Variants in CPSF7 observed in about 807,000 individuals in gnomAD.
CPSF7 encodes cleavage and polyadenylation specificity factor subunit 7.
CPSF7 carries 1 observed loss-of-function variant against 44.3 expected under a neutral mutation model. The observed-to-expected ratio is 0.02, with a 90% CI of 0.01 to 0.11. The LOEUF is 0.11. CPSF7 is among the 10% of genes least tolerant of loss of function. The pLI is 1.00. For synonymous variants in CPSF7, 202 were observed against 222.0 expected (o/e 0.91, Z 0.80); for missense variants, 443 against 607.2 (o/e 0.73, Z 2.84).
chr11:61,420,724 T>C, intron 3 of CPSF7, 151 bp from the exon 4 acceptor site: 1 of 625,692 alleles, frequency 1.6e-6, no homozygotes, highest in Admixed American at 2.9e-5. Flanking sequence ...CTTTTCTTAT[T>C]GTCCTCACCC....
intron 5 of CPSF7, among the ~76,000 whole-genome samples, chr11:61,417,677 A>G (rs1240760159): frequency 6.6e-6 from 1 of 152,226 alleles, no homozygotes; most frequent in Non-Finnish European, 1.5e-5. Context: ...TCTCAAACAC[A>G]TGGCAACTGG....
Position 61,415,746 on chromosome 11 carries a change from G to C in CPSF7, c.977C>G (p.Ala326Gly). 1 of 1,614,082 alleles carries C rather than the reference G, an allele frequency of 6.2e-7. No homozygotes were observed. Among genetic ancestry groups the C allele is most frequent in the Non-Finnish European group, 8.5e-7 (1 of 1,179,966 alleles). The change falls in exon 7 of 10, where the codon GCC becomes GGC. Residue 326 changes from alanine to glycine, a missense_variant. Ala to Gly is a moderately conservative substitution (Grantham distance 60). Transcript: ENST00000439958. ...SGPPPSTVSE[A>G]EFEDIMKRNR... ...TCGCTTCATGATATCTTCAAATTCG[G>C]CTTCACTCACTGTAGAGGGTGGAGG...
At chr11:61,411,705 C>T in intron 8 of CPSF7, 64 bp downstream of exon 8, 5 of 1,456,652 alleles carry the variant, frequency 3.4e-6, no homozygotes, top group East Asian at 2.3e-5. Flanking sequence ...CATTTGTCCC[C>T]ACTCCCTATC....
chr11:61,411,527 A>G (rs982397408), intron 8 of CPSF7, among the ~76,000 whole-genome samples: 9 of 152,182 alleles, frequency 5.9e-5, no homozygotes, highest in African/African-American at 9.7e-5. Flanking sequence ...CCATGTTCTT[A>G]AAAATATCTG....
At chr11:61,422,948 C>T (rs1432180454) in intron 2 of CPSF7, among the ~76,000 whole-genome samples, 1 of 151,644 alleles carries the variant, frequency 6.6e-6, no homozygotes, top group Admixed American at 6.6e-5. Flanking sequence ...GCCTGGGCAA[C>T]ATGGTGAAAC....
At chr11:61,422,317 CTTT>C (rs768474632) in intron 2 of CPSF7, among the ~76,000 whole-genome samples, 1 of 144,404 alleles carries the variant, frequency 6.9e-6, no homozygotes, top group Non-Finnish European at 1.5e-5. Context: ...ATCTAGGAGA[CTTT>C]TTTTTTTTTT....
chr11:61,429,797 G>A lies in CPSF7; in HGVS notation c.-56+117C>T, dbSNP rs1185384873. On this transcript the variant is annotated intron_variant, in intron 1 of 9. Coordinates refer to ENST00000439958, the MANE Select transcript of CPSF7 (RefSeq NM_001142565.3). ...CTGCCTCCTCCCTCAAAAGGCCCGC[G>A]ACTCCCTCCGCCCGCAGACTCCGGC... The A allele has an allele frequency of 2.6e-6, 4 of 1,547,052 alleles. No homozygotes were observed. The African/African-American group carries it at 5.5e-5, about 21-fold the overall frequency.
rs564069367 is a variant in CPSF7 at position 61,420,244 on chromosome 11, C to A, written c.378-150G>T. The A allele has an allele frequency of 4.0e-5, 29 of 727,728 alleles. No homozygotes were observed. In the South Asian group the frequency reaches 4.8e-4, roughly 12 times the overall value. The allele number at this position is 727,728 out of a possible 1,614,324, so 45.1% of individuals were successfully genotyped here. Reference sequence around the variant, plus strand: ...TACAGCACTAACAACAAAGAGACAGCCTAAATCTTTATTTTTTTGGAATTA... The same window carrying A: ...TACAGCACTAACAACAAAGAGACAGACTAAATCTTTATTTTTTTGGAATTA... On this transcript the variant is annotated intron_variant, in intron 4 of 9. Coordinates refer to ENST00000439958, the MANE Select transcript of CPSF7 (RefSeq NM_001142565.3).
chr11:61,403,083 G>A lies in CPSF7; in HGVS notation c.*1627C>T, dbSNP rs1011567912. 1.3e-5 allele frequency: 2 copies of A among 152,394 alleles called. No individual in the cohort carries two copies. Among genetic ancestry groups the A allele is most frequent in the Admixed American group, 1.3e-4 (2 of 15,236 alleles). The allele number at this position is 152,394 out of a possible 1,614,324, so 9.4% of individuals were successfully genotyped here. On this transcript the variant is annotated 3_prime_UTR_variant, in exon 10 of 10. Coordinates refer to ENST00000439958, the MANE Select transcript of CPSF7 (RefSeq NM_001142565.3). The stretch of plus-strand genomic sequence containing the variant: ...CTGAAGTGGAGGTGGGGATGGGGTT[G>A]GGGGACAGGGGAAAAAAAGCTCCAA...
chr11:61,412,081 A>T (rs973739489), intron 7 of CPSF7, 144 bp from the exon 8 acceptor site: 4 of 628,934 alleles, frequency 6.4e-6, no homozygotes, highest in Admixed American at 5.5e-5. Context: ...AGATGTTGCA[A>T]GTGTAAAACT....
chr11:61,405,357 C>T (rs1257967512), intron 9 of CPSF7, among the ~76,000 whole-genome samples: 3 of 152,060 alleles, frequency 2.0e-5, no homozygotes, highest in Non-Finnish European at 2.9e-5. Context: ...TACTAAAACT[C>T]GAGATTTTAA....
At chr11:61,417,650 C>T (rs1054382629) in intron 5 of CPSF7, among the ~76,000 whole-genome samples, 2 of 152,222 alleles carry the variant, frequency 1.3e-5, no homozygotes, top group Non-Finnish European at 2.9e-5. Flanking sequence ...AGTGCCAGTG[C>T]TGTCTTGTTC....
At chr11:61,417,833 C>T (rs1323393815) in intron 5 of CPSF7, among the ~76,000 whole-genome samples, 1 of 152,210 alleles carries the variant, frequency 6.6e-6, no homozygotes. Context: ...AAAGACGCAA[C>T]ATTTCTATGC....
intron 5 of CPSF7, among the ~76,000 whole-genome samples, chr11:61,416,960 C>G (rs554488682): frequency 2.0e-5 from 3 of 152,232 alleles, no homozygotes; most frequent in East Asian, 3.9e-4. Flanking sequence ...CTTCCTGTTG[C>G]ACACTTAAAA....
intron 5 of CPSF7, 56 bp from the exon 6 acceptor site, chr11:61,416,575 A>C (rs1860362322): frequency 5.8e-6 from 9 of 1,557,268 alleles, no homozygotes; most frequent in Admixed American, 5.0e-5. Context: ...AACCCACAGG[A>C]CCAGTTCATC....
chr11:61,426,779 G>C, intron 2 of CPSF7: 3 of 152,122 alleles, frequency 2.0e-5, no homozygotes, highest in Non-Finnish European at 2.9e-5. Context: ...TGTAATCCCA[G>C]CACTTTGGGA....
chr11:61,407,823 A>G (rs1341420294), intron 9 of CPSF7, among the ~76,000 whole-genome samples: 1 of 152,222 alleles, frequency 6.6e-6, no homozygotes, highest in Non-Finnish European at 1.5e-5. Context: ...ACCTAAAAGG[A>G]GTATTTTGGT....
At chr11:61,427,537 C>G (rs1861494880) in intron 2 of CPSF7, among the ~76,000 whole-genome samples, 1 of 151,638 alleles carries the variant, frequency 6.6e-6, no homozygotes, top group Admixed American at 6.6e-5. Flanking sequence ...CCTGTAGTCC[C>G]AGCTACTCAG....
At chr11:61,422,786 C>G (rs1435601166) in intron 2 of CPSF7, among the ~76,000 whole-genome samples, 1 of 152,082 alleles carries the variant, frequency 6.6e-6, no homozygotes, top group Non-Finnish European at 1.5e-5. Context: ...TTACTATATA[C>G]CAAAACCCCT....
Sources: allele counts gnomAD v4.1 joint callset (sites outside exome capture counted in the v4.1 genomes callset), GRCh38; gene constraint gnomAD v4.1.1; transcripts MANE v1.5; gene names NCBI Gene and HGNC (gene_info 2026-07-23, HGNC 2026-07-21).